Variants in REEP3 observed in about 807,000 individuals in gnomAD.
The protein encoded by REEP3 is receptor accessory protein 3, also known as receptor expression-enhancing protein 3.
In REEP3, 20 loss-of-function variants were observed where a neutral mutation model predicts 41.3. The ratio of observed to expected loss-of-function variants is 0.48; its 90% CI spans 0.34 to 0.70. REEP3 has a LOEUF of 0.70. REEP3 is among the 30% of genes least tolerant of loss of function. The pLI is 0.01. For synonymous variants in REEP3, 104 were observed against 101.8 expected (o/e 1.02, Z -0.13); for missense variants, 271 against 308.8 (o/e 0.88, Z 0.92).
intron 1 of REEP3, among the ~76,000 whole-genome samples, chr10:63,549,537 A>G (rs996901043): frequency 2.0e-5 from 3 of 152,204 alleles, no homozygotes; most frequent in African/African-American, 7.2e-5. Context: ...ACTGTACTCC[A>G]GTTTGGGTGA....
chr10:63,578,137 T>A (rs979906698), intron 2 of REEP3, among the ~76,000 whole-genome samples: 1 of 152,206 alleles, frequency 6.6e-6, no homozygotes, highest in African/African-American at 2.4e-5. Context: ...TCTTGCTCTG[T>A]CACCCAGGCT....
chr10:63,568,849 G>A (rs1955827656), intron 2 of REEP3, among the ~76,000 whole-genome samples: 1 of 151,374 alleles, frequency 6.6e-6, no homozygotes, highest in Non-Finnish European at 1.5e-5. Context: ...TTTTTATAGA[G>A]ACAGAGTCTT....
intron 2 of REEP3, among the ~76,000 whole-genome samples, chr10:63,590,556 C>G (rs1956051906): frequency 6.6e-6 from 1 of 151,846 alleles, no homozygotes; most frequent in South Asian, 2.1e-4. Flanking sequence ...TAGTTATCGA[C>G]TAGGCTACAT....
intron 1 of REEP3, among the ~76,000 whole-genome samples, chr10:63,556,837 G>T (rs1488383003): frequency 6.7e-6 from 1 of 149,800 alleles, no homozygotes; most frequent in Admixed American, 6.7e-5. Flanking sequence ...GGGTTTCACC[G>T]TTTTAGCCGG....
In REEP3 at chr10:63,625,063, A is replaced by G. The variant is rs1564495512; in HGVS notation, c.*4194A>G. Reference sequence around the variant, plus strand: ...AAATGGAATTATTTTCATTTTCATTATGAGGTATATACTTGTAATGATCTA... The same window carrying G: ...AAATGGAATTATTTTCATTTTCATTGTGAGGTATATACTTGTAATGATCTA... On this transcript the variant is annotated 3_prime_UTR_variant, in exon 8 of 8. Coordinates refer to ENST00000373758, the MANE Select transcript of REEP3 (RefSeq NM_001001330.3). 1 of 152,160 alleles carries G rather than the reference A, an allele frequency of 6.6e-6. No individual in the cohort carries two copies. The highest frequency in any genetic ancestry group is 1.5e-5 in the Non-Finnish European group (1 of 67,988). 9.4% of individuals were successfully genotyped at this position (152,160 alleles called of 1,614,324 possible). A position where few individuals can be genotyped will look rare whatever the true frequency, so the allele number is the denominator to read the frequency against.
chr10:63,578,603 C>T (rs955469225), intron 2 of REEP3, among the ~76,000 whole-genome samples: 13 of 151,966 alleles, frequency 8.6e-5, no homozygotes, highest in East Asian at 1.9e-4. Flanking sequence ...GGTAAAACCC[C>T]GTCTCTACCA....
Position 63,598,122 on chromosome 10 carries a change from C to T in REEP3, c.281C>T (p.Pro94Leu). The T allele has an allele frequency of 6.3e-7, 1 of 1,586,116 alleles. No homozygotes were observed. The highest frequency in any genetic ancestry group is 8.7e-7 in the Non-Finnish European group (1 of 1,155,372). The change falls in exon 4 of 8, where the codon CCA (proline) becomes CTA (leucine). Residue 94 changes from proline to leucine, a missense_variant. Pro to Leu is a moderately conservative substitution (Grantham distance 98). Coordinates refer to ENST00000373758, the MANE Select transcript of REEP3 (RefSeq NM_001001330.3). ...TTAATATATAGAAAATTCCTTCATC[C>T]ACTTCTTTCTTCAAAGGAAAGGGTA... ...ASLIYRKFLH[P>L]LLSSKEREID...
chr10:63,618,370 C>T (rs1471829967), intron 6 of REEP3, among the ~76,000 whole-genome samples: 1 of 151,212 alleles, frequency 6.6e-6, no homozygotes, highest in Non-Finnish European at 1.5e-5. Context: ...CCCAGCTTCC[C>T]GAGTAGCTGG....
chr10:63,536,286 A>T (rs907490808), intron 1 of REEP3, among the ~76,000 whole-genome samples: 1 of 152,190 alleles, frequency 6.6e-6, no homozygotes, highest in Non-Finnish European at 1.5e-5. Context: ...ATATATAATA[A>T]TTTCTATGTG....
intron 5 of REEP3, chr10:63,606,011 A>G (rs1393018455): frequency 4.9e-6 from 2 of 408,280 alleles, no homozygotes; most frequent in Non-Finnish European, 6.6e-6. Context: ...AGTTCTGCTC[A>G]CGATGATCAG....
chr10:63,532,817 A>T (rs1341255637), intron 1 of REEP3, among the ~76,000 whole-genome samples: 1 of 152,070 alleles, frequency 6.6e-6, no homozygotes, highest in African/African-American at 2.4e-5. Context: ...AGGTGGAAGG[A>T]TCCCTTGAGC....
chr10:63,599,796 T>C (rs1229860006), intron 5 of REEP3: 1 of 501,794 alleles, frequency 2.0e-6, no homozygotes, highest in East Asian at 1.5e-4. Flanking sequence ...ATTTGTTGTG[T>C]TTGCAAGCCA....
At chr10:63,572,076 C>T (rs893109425) in intron 2 of REEP3, among the ~76,000 whole-genome samples, 2 of 151,984 alleles carry the variant, frequency 1.3e-5, no homozygotes, top group Non-Finnish European at 2.9e-5. Flanking sequence ...CTTACCAGGG[C>T]GGGACCCACC....
At chr10:63,619,912 A>T in intron 7 of REEP3, 112 bp downstream of exon 7, 2 of 470,290 alleles carry the variant, frequency 4.3e-6, no homozygotes, top group Non-Finnish European at 6.8e-6. Flanking sequence ...GTAGAACAGC[A>T]GTTTGATTTT....
chr10:63,611,170 G>C (rs997948046), intron 6 of REEP3, among the ~76,000 whole-genome samples: 2 of 152,146 alleles, frequency 1.3e-5, no homozygotes, highest in Non-Finnish European at 2.9e-5. Context: ...AGAAGCTGTA[G>C]GTGTGGTTAC....
At position 63,620,964 on chromosome 10, in the gene REEP3, T is replaced by TTATTTAAATTGTGG; in HGVS notation, c.*96_*109dup. 1 of 710,452 alleles carries TTATTTAAATTGTGG rather than the reference T, an allele frequency of 1.4e-6. No individual in the cohort carries two copies. Among genetic ancestry groups the TTATTTAAATTGTGG allele is most frequent in the South Asian group, 2.3e-5 (1 of 43,224 alleles). 44.0% of individuals were successfully genotyped at this position (710,452 alleles called of 1,614,324 possible). ...ATTCAGGATTTACACATTAAAATGA[T>TTATTTAAATTGTGG]TATTTAAATTGTGGCAGTGATGGGG... On this transcript the variant is annotated 3_prime_UTR_variant, in exon 8 of 8. Transcript: ENST00000373758.
chr10:63,561,955 G>A (rs565314775), intron 1 of REEP3, among the ~76,000 whole-genome samples: 2 of 152,262 alleles, frequency 1.3e-5, no homozygotes, highest in South Asian at 2.1e-4. Context: ...GAAATATAAA[G>A]TGAATTAAAA....
rs1441574678 is a variant in REEP3, at chr10:63,625,114, T to C, written c.*4245T>C. 1 of 152,160 alleles carries C rather than the reference T, an allele frequency of 6.6e-6. No homozygotes were observed. The highest frequency in any genetic ancestry group is 2.4e-5 in the African/African-American group (1 of 41,446). 9.4% of individuals were successfully genotyped at this position (152,160 alleles called of 1,614,324 possible). ...AAGAGGTTAGAAATATAAATAAAAA[T>C]TCAAAAGAACACAATATATGAACGG... On this transcript the variant is annotated 3_prime_UTR_variant, in exon 8 of 8. Transcript: ENST00000373758.
At position 63,620,813 on chromosome 10, in the gene REEP3, G is replaced by T; in HGVS notation, c.712G>T (p.Val238Leu). 6.3e-7 allele frequency: 1 copy of T among 1,596,834 alleles called. No individual in the cohort carries two copies. Residue 238 changes from valine to leucine, a missense_variant and splice_region_variant, in exon 8 of 8, where the codon GTG (valine) becomes TTG (leucine). Val to Leu is a conservative substitution (Grantham distance 32, BLOSUM62 1). Transcript: ENST00000373758. ...SVKTTKGRKE[V>L]RYGSLKYKVK... is the part of the protein sequence containing the mutation. ...AATAATAAAACATTTCTCTCTTCAG[G>T]TGCGGTACGGGTCACTAAAATACAA...
Sources: allele counts gnomAD v4.1 joint callset (sites outside exome capture counted in the v4.1 genomes callset), GRCh38; gene constraint gnomAD v4.1.1; transcripts MANE v1.5; gene names NCBI Gene and HGNC (gene_info 2026-07-23, HGNC 2026-07-21).